ABCC9: variants seen among roughly 807,000 people sequenced by gnomAD.
ABCC9 encodes ATP binding cassette subfamily C member 9.
Under a neutral mutation model 188.3 loss-of-function variants are expected in ABCC9, and 95 were observed. That is an observed-to-expected ratio of 0.50 (90% CI 0.43 to 0.60). The LOEUF is 0.60. Ranked by LOEUF, ABCC9 falls within the 20% of genes least tolerant of loss-of-function variation. The probability of loss-of-function intolerance (pLI) is 0.00; values close to 1 mark genes in which losing one functional copy is unlikely to be tolerated. For synonymous variants in ABCC9, 659 were observed against 652.7 expected (o/e 1.01, Z -0.15); for missense variants, 1,102 against 1,876.3 (o/e 0.59, Z 7.62).
At chr12:21,906,034 AATG>A in intron 12 of ABCC9, 89 bp downstream of exon 12, 1 of 1,400,872 alleles carries the variant, frequency 7.1e-7, no homozygotes, top group South Asian at 1.2e-5. Context: ...GAAGAACTAG[AATG>A]TTTCATTGAT....
chr12:21,933,573 T>G (rs777605879), intron 4 of ABCC9, among the ~76,000 whole-genome samples: 7 of 152,102 alleles, frequency 4.6e-5, no homozygotes, highest in Non-Finnish European at 8.8e-5. Flanking sequence ...ATTAGACCTA[T>G]GTGTAAATGT....
At chr12:21,871,269 GGATA>G (rs1431960637) in intron 18 of ABCC9, among the ~76,000 whole-genome samples, 2 of 152,138 alleles carry the variant, frequency 1.3e-5, no homozygotes, top group African/African-American at 4.8e-5. Context: ...TACTGCCTGA[GGATA>G]GTGGCAGGGG....
At chr12:21,852,530 G>A in intron 22 of ABCC9, 25 bp from the exon 23 acceptor site, 1 of 1,605,730 alleles carries the variant, frequency 6.2e-7, no homozygotes, top group Admixed American at 1.7e-5. Flanking sequence ...ATGGAGGAAA[G>A]ATGGACGTTT....
At chr12:21,862,442 T>G (rs1945565379) in intron 20 of ABCC9, among the ~76,000 whole-genome samples, 1 of 152,106 alleles carries the variant, frequency 6.6e-6, no homozygotes, top group African/African-American at 2.4e-5. Flanking sequence ...AAGACCCAGC[T>G]TATGGTCCTA....
At chr12:21,830,049 T>C (rs1388163937) in intron 30 of ABCC9, among the ~76,000 whole-genome samples, 1 of 152,116 alleles carries the variant, frequency 6.6e-6, no homozygotes, top group East Asian at 1.9e-4. Context: ...TCTGTGTACT[T>C]TCAGGGTTCT....
chr12:21,843,893 G>A (rs1944507044), intron 28 of ABCC9, among the ~76,000 whole-genome samples: 1 of 152,186 alleles, frequency 6.6e-6, no homozygotes. Flanking sequence ...AAAGACAAGG[G>A]CTGGATATGA....
chr12:21,843,703 A>T (rs12367996), intron 28 of ABCC9, among the ~76,000 whole-genome samples: 16,866 of 152,200 alleles, frequency 0.11, 1,063 homozygotes, highest in African/African-American at 0.14. Flanking sequence ...ATAATGAGTG[A>T]TTCATTTCTT....
chr12:21,890,641 T>TA (rs1194202553), intron 14 of ABCC9, among the ~76,000 whole-genome samples: 7 of 152,090 alleles, frequency 4.6e-5, no homozygotes, highest in African/African-American at 7.2e-5. Flanking sequence ...TATGCAGCCA[T>TA]AAAAAATGAT....
chr12:21,900,078 C>A (rs1001935918), intron 12 of ABCC9, among the ~76,000 whole-genome samples: 1 of 152,176 alleles, frequency 6.6e-6, no homozygotes, highest in African/African-American at 2.4e-5. Context: ...CAGACTGACA[C>A]CTCACACGGC....
intron 10 of ABCC9, among the ~76,000 whole-genome samples, chr12:21,909,425 A>C (rs989654274): frequency 2.6e-5 from 4 of 151,982 alleles, no homozygotes; most frequent in African/African-American, 9.7e-5. Flanking sequence ...CTTAAGCTTC[A>C]TCTACAGAAT....
chr12:21,929,069 A>G (rs1441921552), intron 4 of ABCC9, among the ~76,000 whole-genome samples: 1 of 152,168 alleles, frequency 6.6e-6, no homozygotes, highest in Admixed American at 6.5e-5. Flanking sequence ...AAAACACAGT[A>G]ATAGTGAAGA....
At position 21,809,921 on chromosome 12, in the gene ABCC9, C is replaced by G; in HGVS notation, c.4246G>C (p.Asp1416His). ...NLDPECKCTDDRLWEALEIAQ... is the reference protein window; with the variant it reads ...NLDPECKCTDHRLWEALEIAQ... ...ATTTCTAAGGCTTCCCAGAGTCTGT[C>G]ATCTGTGCATTTGCACTCTGGATCT... The change falls in exon 37 of 40, where the codon GAC (aspartate) becomes CAC (histidine). Residue 1416 changes from aspartate to histidine, a missense_variant. Physicochemically the swap from Asp to His is moderately conservative, Grantham distance 81 (BLOSUM62 -1). This residue lies in a region of ABCC9 where 67 missense variants were observed against 101.0 expected (regional missense o/e 0.66). Coordinates refer to ENST00000261200, the MANE Select transcript of ABCC9 (RefSeq NM_020297.4). The G allele has an allele frequency of 6.2e-7, 1 of 1,612,564 alleles. No homozygotes were observed. Among genetic ancestry groups the G allele is most frequent in the East Asian group, 2.2e-5 (1 of 44,824 alleles).
In ABCC9 at chr12:21,875,636, A is replaced by G. The variant is rs1245963113; in HGVS notation, c.2092+18T>C. The stretch of plus-strand genomic sequence containing the variant: ...CGGTCATGAACAATTACAAAAATGC[A>G]TAACAGATAACTCTTACCTGTTGGA... On this transcript the variant is annotated intron_variant, in intron 17 of 39. Coordinates refer to ENST00000261200, the MANE Select transcript of ABCC9 (RefSeq NM_020297.4). 8.3e-6 allele frequency: 13 copies of G among 1,561,566 alleles called. No individual in the cohort carries two copies. In the South Asian group the frequency reaches 1.2e-4, roughly 15 times the overall value.
At chr12:21,850,168 A>G (rs1359026396) in intron 24 of ABCC9, among the ~76,000 whole-genome samples, 2 of 150,962 alleles carry the variant, frequency 1.3e-5, no homozygotes, top group African/African-American at 2.4e-5. Context: ...TGCTAATAGC[A>G]TCCCCCTGCC....
intron 12 of ABCC9, among the ~76,000 whole-genome samples, chr12:21,897,690 T>A (rs968491381): frequency 2.0e-5 from 3 of 152,180 alleles, no homozygotes; most frequent in Admixed American, 6.5e-5. Context: ...CCAACAAGAT[T>A]GTACTGAACA....
At chr12:21,907,605 C>T (rs1948105341) in intron 11 of ABCC9, among the ~76,000 whole-genome samples, 1 of 151,988 alleles carries the variant, frequency 6.6e-6, no homozygotes, top group African/African-American at 2.4e-5. Context: ...GAAATATATT[C>T]AGCAAGAGCA....
intron 29 of ABCC9, among the ~76,000 whole-genome samples, chr12:21,841,600 G>A (rs61926070): frequency 0.023 from 3,531 of 151,562 alleles, 53 homozygotes; most frequent in Non-Finnish European, 0.039. Flanking sequence ...CTCACGATCC[G>A]CCCGCCTCAG....
chr12:21,804,150 C>T (rs374506876), intron 39 of ABCC9, among the ~76,000 whole-genome samples: 124 of 152,010 alleles, frequency 8.2e-4, no homozygotes, highest in East Asian at 2.7e-3. Flanking sequence ...CTAGTGGCCA[C>T]GTTCACATGA....
chr12:21,844,423 T>C, intron 28 of ABCC9, 60 bp downstream of exon 28: 1 of 1,326,968 alleles, frequency 7.5e-7, no homozygotes, highest in Non-Finnish European at 1.1e-6. Flanking sequence ...TATCTTAAAA[T>C]GCTATTTAGC....
Sources: allele counts gnomAD v4.1 joint callset (sites outside exome capture counted in the v4.1 genomes callset), GRCh38; gene constraint gnomAD v4.1.1; regional missense constraint gnomAD v4.1.1; transcripts MANE v1.5; gene names NCBI Gene and HGNC (gene_info 2026-07-23, HGNC 2026-07-21).